DCC: variants seen among roughly 807,000 people sequenced by gnomAD.
DCC encodes the protein netrin receptor DCC.
DCC carries 58 observed loss-of-function variants against 172.5 expected under a neutral mutation model. The ratio of observed to expected loss-of-function variants is 0.34; its 90% CI spans 0.27 to 0.42. DCC has a LOEUF of 0.42. Among genes scored for constraint, DCC ranks in the 10% least tolerant of loss-of-function variants. The pLI is 1.00. For synonymous variants in DCC, 709 were observed against 644.5 expected (o/e 1.10, Z -1.52); for missense variants, 1,740 against 1,791.0 (o/e 0.97, Z 0.51).
intron 1 of DCC, among the ~76,000 whole-genome samples, chr18:52,592,100 T>C (rs2144799428): frequency 6.6e-6 from 1 of 152,336 alleles, no homozygotes; most frequent in Middle Eastern, 3.4e-3. Context: ...CTTTTATTTT[T>C]CTGTTTTTAC....
intron 7 of DCC, among the ~76,000 whole-genome samples, chr18:53,152,210 T>C (rs904114479): frequency 6.6e-6 from 1 of 152,162 alleles, no homozygotes; most frequent in Non-Finnish European, 1.5e-5. Context: ...AACAAGGAAA[T>C]AGGTCTATTG....
intron 5 of DCC, among the ~76,000 whole-genome samples, chr18:52,940,299 A>G: frequency 6.6e-6 from 1 of 152,188 alleles, no homozygotes; most frequent in South Asian, 2.1e-4. Context: ...ATAAGGAAGA[A>G]CAGTCGAGGC....
At chr18:52,462,060 C>T (rs1417268947) in intron 1 of DCC, among the ~76,000 whole-genome samples, 1 of 152,174 alleles carries the variant, frequency 6.6e-6, no homozygotes, top group Non-Finnish European at 1.5e-5. Flanking sequence ...TCTAATCCAT[C>T]AGTAAATCCT....
intron 19 of DCC, among the ~76,000 whole-genome samples, chr18:53,406,286 A>G (rs62100025): frequency 0.43 from 65,498 of 151,932 alleles, 15,935 homozygotes; most frequent in Non-Finnish European, 0.55. Flanking sequence ...ATAGCTTCTC[A>G]GTCTGATTTG....
At chr18:52,470,570 T>C (rs750070545) in intron 1 of DCC, among the ~76,000 whole-genome samples, 3 of 152,150 alleles carry the variant, frequency 2.0e-5, no homozygotes, top group Non-Finnish European at 2.9e-5. Flanking sequence ...AGAAGTGGAT[T>C]ACAGAAGTAT....
intron 1 of DCC, among the ~76,000 whole-genome samples, chr18:52,524,403 A>C (rs2144671910): frequency 6.6e-6 from 1 of 152,330 alleles, no homozygotes; most frequent in South Asian, 2.1e-4. Context: ...CTGCTTTAAA[A>C]GTATAACTGC....
At chr18:52,727,201 T>C (rs1295588401) in intron 1 of DCC, among the ~76,000 whole-genome samples, 2 of 152,238 alleles carry the variant, frequency 1.3e-5, no homozygotes, top group African/African-American at 4.8e-5. Flanking sequence ...TTTCCCTACC[T>C]TGAAAACAGG....
At chr18:53,351,297 ATATATATATATATATATACACTG>A (rs1568074439) in intron 15 of DCC, among the ~76,000 whole-genome samples, 1 of 26,160 alleles carries the variant, frequency 3.8e-5, no homozygotes, top group Admixed American at 6.6e-4. Context: ...TACAGTATAT[ATATATATATATATATATACACTG>A]TATATATATA....
At chr18:52,853,661 T>G (rs139440787) in intron 2 of DCC, among the ~76,000 whole-genome samples, 169 of 152,306 alleles carry the variant, frequency 1.1e-3, no homozygotes, top group African/African-American at 3.9e-3. Flanking sequence ...CACACAATAG[T>G]AAGTGGCAGG....
At chr18:53,235,263 A>C (rs1278357367) in intron 12 of DCC, among the ~76,000 whole-genome samples, 1 of 152,176 alleles carries the variant, frequency 6.6e-6, no homozygotes, top group Non-Finnish European at 1.5e-5. Flanking sequence ...ATAACTTATA[A>C]TTAAAAGACT....
chr18:52,929,908 A>T (rs1039528254), intron 5 of DCC, among the ~76,000 whole-genome samples: 1 of 151,440 alleles, frequency 6.6e-6, no homozygotes, highest in African/African-American at 2.4e-5. Context: ...GCTATATTGT[A>T]TCCTCATTTT....
intron 14 of DCC, among the ~76,000 whole-genome samples, chr18:53,327,152 A>C (rs929165516): frequency 6.6e-5 from 10 of 152,162 alleles, no homozygotes; most frequent in Non-Finnish European, 2.9e-5. Context: ...GAAATACCCC[A>C]AGTCCTCTTG....
chr18:53,170,885 G>GT (rs1296948985), intron 8 of DCC, among the ~76,000 whole-genome samples: 2 of 151,970 alleles, frequency 1.3e-5, no homozygotes, highest in Non-Finnish European at 2.9e-5. Flanking sequence ...TTTTGTTGTT[G>GT]TTGTTTGTTT....
chr18:53,405,905 C>G (rs1258767146), intron 19 of DCC, among the ~76,000 whole-genome samples: 1 of 152,140 alleles, frequency 6.6e-6, no homozygotes, highest in East Asian at 1.9e-4. Flanking sequence ...GGTTTATACT[C>G]TTAATTATTA....
chr18:52,448,974 G>T (rs1988217093), intron 1 of DCC, among the ~76,000 whole-genome samples: 1 of 152,188 alleles, frequency 6.6e-6, no homozygotes, highest in Non-Finnish European at 1.5e-5. Flanking sequence ...TGCTGATAAA[G>T]ACATACCCAA....
At chr18:52,613,207 GT>G (rs1236447958) in intron 1 of DCC, among the ~76,000 whole-genome samples, 1 of 152,008 alleles carries the variant, frequency 6.6e-6, no homozygotes, top group African/African-American at 2.4e-5. Context: ...CATGAAGGAG[GT>G]TTTCTTTTGT....
At position 53,023,957 on chromosome 18, in the gene DCC, T is replaced by C. The variant is rs545325380; in HGVS notation, c.986-39348T>C. On this transcript the variant is annotated intron_variant, in intron 5 of 28. Coordinates refer to ENST00000442544, the MANE Select transcript of DCC (RefSeq NM_005215.4). Reference sequence around the variant, plus strand: ...TATCTGGAAAATTTAGTCTAAAATGTGTATCTATATGTTATGGTTCAGTTA... The same window carrying C: ...TATCTGGAAAATTTAGTCTAAAATGCGTATCTATATGTTATGGTTCAGTTA... Among the ~76,000 whole-genome samples, 143 of 152,246 alleles carry C rather than the reference T, an allele frequency of 9.4e-4. 1 individual carries two copies. Among genetic ancestry groups the C allele is most frequent in the African/African-American group, 3.1e-3 (130 of 41,562 alleles).
At chr18:53,033,974 T>C (rs1036587374) in intron 5 of DCC, among the ~76,000 whole-genome samples, 6 of 152,048 alleles carry the variant, frequency 3.9e-5, no homozygotes, top group Admixed American at 3.3e-4. Context: ...ATTTTTCTTT[T>C]GGGACACCTC....
intron 2 of DCC, among the ~76,000 whole-genome samples, chr18:52,888,995 TATA>T (rs1346825874): frequency 1.3e-5 from 2 of 152,132 alleles, no homozygotes; most frequent in Admixed American, 1.3e-4. Context: ...CATGTCACAA[TATA>T]ATACATAATA....
Sources: gnomAD v4.1 joint callset for allele counts (sites outside exome capture counted in the v4.1 genomes callset) on GRCh38, gnomAD v4.1.1 for gene constraint, MANE v1.5 for transcripts, NCBI Gene and HGNC (gene_info 2026-07-23, HGNC 2026-07-21) for gene names.